The following RHOA variants were observed in gnomAD, a reference collection of about 807,000 sequenced individuals.
RHOA encodes ras homolog family member A, also known as transforming protein RhoA.
RHOA carries 3 observed loss-of-function variants against 17.5 expected under a neutral mutation model. The observed-to-expected ratio is 0.17, with a 90% confidence interval of 0.08 to 0.44. The LOEUF is 0.44. RHOA is among the 20% of genes least tolerant of loss of function. The pLI is 0.99. For synonymous variants in RHOA, 98 were observed against 88.4 expected (o/e 1.11, Z -0.61); for missense variants, 56 against 242.3 (o/e 0.23, Z 5.10).
intron 2 of RHOA, 83 bp downstream of exon 2, chr3:49,375,351 G>C (rs144331437): frequency 5.2e-6 from 7 of 1,351,782 alleles, no homozygotes; most frequent in Non-Finnish European, 7.1e-6. Context: ...ATACTGAAGA[G>C]GCAAAAAGCT....
intron 2 of RHOA, among the ~76,000 whole-genome samples, chr3:49,371,572 G>A (rs1251779634): frequency 3.3e-5 from 5 of 152,116 alleles, no homozygotes; most frequent in Non-Finnish European, 5.9e-5. Flanking sequence ...GAGCTACGAC[G>A]TCTGGCCTTA....
At chr3:49,402,857 G>A (rs996101937) in intron 1 of RHOA, among the ~76,000 whole-genome samples, 5 of 151,908 alleles carry the variant, frequency 3.3e-5, no homozygotes, top group South Asian at 2.1e-4. Flanking sequence ...CCAACATGGC[G>A]AAACCCCGTA....
intron 1 of RHOA, among the ~76,000 whole-genome samples, chr3:49,387,823 G>A (rs1369270839): frequency 2.6e-5 from 4 of 151,260 alleles, no homozygotes; most frequent in Non-Finnish European, 5.9e-5. Flanking sequence ...TCTTTTAGAT[G>A]TGTGTATCTT....
chr3:49,368,284 C>T (rs1052378433), intron 3 of RHOA, 144 bp downstream of exon 3: 5 of 1,023,862 alleles, frequency 4.9e-6, no homozygotes, highest in Admixed American at 4.3e-5. Flanking sequence ...CCACGCTCTA[C>T]AATCCCAAAC....
At chr3:49,392,199 G>A (rs1046860894) in intron 1 of RHOA, among the ~76,000 whole-genome samples, 6 of 152,252 alleles carry the variant, frequency 3.9e-5, no homozygotes, top group Middle Eastern at 3.4e-3. Context: ...ACTCCCACCT[G>A]TAATCCCAGG....
intron 2 of RHOA, 102 bp from the exon 3 acceptor site, chr3:49,368,650 A>AAATGGCAGACCATTGG: frequency 8.1e-7 from 1 of 1,228,636 alleles, no homozygotes; most frequent in Non-Finnish European, 1.2e-6. Flanking sequence ...CAGACCATTG[A>AAATGGCAGACCATTGG]AATGGCAGAC....
chr3:49,370,515 T>C (rs1559499006), intron 2 of RHOA, among the ~76,000 whole-genome samples: 1 of 152,160 alleles, frequency 6.6e-6, no homozygotes, highest in East Asian at 1.9e-4. Context: ...AGTTGGTAGG[T>C]AGGAAAAGAC....
intron 1 of RHOA, among the ~76,000 whole-genome samples, chr3:49,397,300 A>C (rs1374644902): frequency 1.3e-5 from 2 of 152,160 alleles, no homozygotes; most frequent in Non-Finnish European, 2.9e-5. Flanking sequence ...TGGTTACCTA[A>C]GGCTGGGCGT....
chr3:49,374,900 T>C (rs889062577), intron 2 of RHOA, among the ~76,000 whole-genome samples: 5 of 151,642 alleles, frequency 3.3e-5, no homozygotes, highest in African/African-American at 1.2e-4. Context: ...CTACTAAAAA[T>C]ACAAAAATCA....
At chr3:49,392,722 G>A (rs1457881488) in intron 1 of RHOA, among the ~76,000 whole-genome samples, 1 of 152,124 alleles carries the variant, frequency 6.6e-6, no homozygotes, top group East Asian at 1.9e-4. Flanking sequence ...CATGTGGCTG[G>A]GAGCTATGGT....
chr3:49,367,067 G>A (rs2048067434), intron 3 of RHOA: 1 of 152,080 alleles, frequency 6.6e-6, no homozygotes, highest in Non-Finnish European at 1.5e-5. Context: ...TCTGGGCCAG[G>A]CGCAGTGGCT....
In RHOA at chr3:49,360,187, G is replaced by T. The variant is rs1268965726; in HGVS notation, c.*22C>A. On this transcript the variant is annotated 3_prime_UTR_variant, in exon 5 of 5. Transcript: ENST00000418115. ...CAGCACTTCAAAATTAACCGCATAA[G>T]GGCTGTGCTTGCAGCAAGGTTTCAC... 9.3e-6 allele frequency: 15 copies of T among 1,610,076 alleles called. No individual in the cohort carries two copies. Among genetic ancestry groups the T allele is most frequent in the Non-Finnish European group, 1.2e-5 (14 of 1,178,418 alleles).
At chr3:49,376,438 T>TC (rs1383525080) in intron 1 of RHOA, among the ~76,000 whole-genome samples, 3 of 148,634 alleles carry the variant, frequency 2.0e-5, no homozygotes, top group Non-Finnish European at 4.5e-5. Context: ...GGTCAGGAGA[T>TC]CGAGACCATC....
rs1457010981 is a variant in RHOA, at chr3:49,359,531, TTC to T, written c.*676_*677del. On this transcript the variant is annotated 3_prime_UTR_variant, in exon 5 of 5. Coordinates refer to ENST00000418115, the MANE Select transcript of RHOA (RefSeq NM_001664.4). ...ATCTGACTTTATTTCCAAATACACT[TTC>T]TTTTTTAAAAAACCAATACACTTTC... is the stretch of plus-strand genomic sequence containing the variant. The T allele has an allele frequency of 5.0e-6, 1 of 201,030 alleles. No individual in the cohort carries two copies. Among genetic ancestry groups the T allele is most frequent in the Non-Finnish European group, 1.0e-5 (1 of 97,532 alleles). 12.5% of individuals were successfully genotyped at this position (201,030 alleles called of 1,614,324 possible).
intron 1 of RHOA, 34 bp from the exon 2 acceptor site, chr3:49,375,625 C>T (rs2107850498): frequency 6.2e-7 from 1 of 1,602,976 alleles, no homozygotes; most frequent in South Asian, 1.1e-5. Flanking sequence ...ACCTGCAATG[C>T]ACAAGAAGTC....
At chr3:49,407,245 T>TTG (rs2048847931) in intron 1 of RHOA, among the ~76,000 whole-genome samples, 1 of 142,474 alleles carries the variant, frequency 7.0e-6, no homozygotes. Context: ...TTTTTTTTTT[T>TTG]TTTTTTTTTT....
At chr3:49,392,040 C>T (rs1473685118) in intron 1 of RHOA, among the ~76,000 whole-genome samples, 1 of 151,720 alleles carries the variant, frequency 6.6e-6, no homozygotes, top group South Asian at 2.1e-4. Flanking sequence ...ATTGGCCAGG[C>T]TGGTCTCGAA....
At chr3:49,403,214 T>C (rs2048755077) in intron 1 of RHOA, among the ~76,000 whole-genome samples, 1 of 152,102 alleles carries the variant, frequency 6.6e-6, no homozygotes, top group South Asian at 2.1e-4. Context: ...GGCACGCACC[T>C]GTAGTCCCAG....
chr3:49,401,947 T>C (rs768895842), intron 1 of RHOA, among the ~76,000 whole-genome samples: 6 of 152,182 alleles, frequency 3.9e-5, no homozygotes, highest in Non-Finnish European at 7.4e-5. Flanking sequence ...GCCAAGCTCT[T>C]AGTTCAAGAG....
Sources: allele counts gnomAD v4.1 joint callset (sites outside exome capture counted in the v4.1 genomes callset), GRCh38; gene constraint gnomAD v4.1.1; transcripts MANE v1.5; gene names NCBI Gene and HGNC (gene_info 2026-07-23, HGNC 2026-07-21).